Variants in OSBPL1A observed in about 807,000 individuals in gnomAD.
OSBPL1A encodes the protein oxysterol-binding protein-related protein 1.
In OSBPL1A, 80 loss-of-function variants were observed where a neutral mutation model predicts 137.1. The observed-to-expected ratio is 0.58, with a 90% CI of 0.49 to 0.70. The LOEUF (loss-of-function observed/expected upper bound fraction) is 0.70, where lower values mean the gene tolerates loss of function less well. Among genes scored for constraint, OSBPL1A ranks in the 30% least tolerant of loss-of-function variants. OSBPL1A has a pLI of 0.00. For missense variants in OSBPL1A, 970 were observed against 1,129.4 expected (o/e 0.86, Z 2.02); for synonymous variants, 365 against 389.7 (o/e 0.94, Z 0.75).
At chr18:24,180,882 C>T (rs1236875514) in intron 19 of OSBPL1A, among the ~76,000 whole-genome samples, 4 of 152,040 alleles carry the variant, frequency 2.6e-5, no homozygotes, top group African/African-American at 9.7e-5. Context: ...GTCTCACACA[C>T]ACACAAAAAA....
At chr18:24,285,994 T>C (rs952067128) in intron 14 of OSBPL1A, among the ~76,000 whole-genome samples, 1 of 151,986 alleles carries the variant, frequency 6.6e-6, no homozygotes, top group Non-Finnish European at 1.5e-5. Flanking sequence ...CCATCTCCAC[T>C]ACAAATACAA....
chr18:24,337,070 C>G (rs1356537407), intron 5 of OSBPL1A, among the ~76,000 whole-genome samples: 3 of 152,184 alleles, frequency 2.0e-5, no homozygotes, highest in African/African-American at 7.2e-5. Context: ...ATAGGATGCA[C>G]TGGCATGGGA....
At position 24,226,923 on chromosome 18, in the gene OSBPL1A, ACT is replaced by A. The variant is rs1445213813; in HGVS notation, c.1445-1727_1445-1726del. On this transcript the variant is annotated intron_variant, in intron 16 of 27. Coordinates refer to ENST00000319481, the MANE Select transcript of OSBPL1A (RefSeq NM_080597.4). ...TTTTTTTTTTTTGAGATGGAGTCCC[ACT>A]CTGTCACCCAGGCTGGAGTGCAGTG... Among the ~76,000 whole-genome samples the A allele has an allele frequency of 2.6e-5, 3 of 113,344 alleles. No individual in the cohort carries two copies. In the East Asian group the frequency reaches 7.1e-4, roughly 27 times the overall value. The allele number at this position is 113,344 out of a possible 152,430, so 74.4% of individuals were successfully genotyped here. A position where few individuals can be genotyped will look rare whatever the true frequency, so the allele number is the denominator to read the frequency against.
chr18:24,203,514 G>C (rs185939799), intron 17 of OSBPL1A, among the ~76,000 whole-genome samples: 2 of 152,116 alleles, frequency 1.3e-5, no homozygotes, highest in Non-Finnish European at 2.9e-5. Flanking sequence ...ACAGACACAG[G>C]TATATCTTTC....
intron 16 of OSBPL1A, among the ~76,000 whole-genome samples, chr18:24,230,154 A>G (rs1384734790): frequency 2.0e-5 from 3 of 152,200 alleles, no homozygotes; most frequent in African/African-American, 7.2e-5. Flanking sequence ...GCATGAAGGG[A>G]AGAGGTGCAT....
At chr18:24,213,634 T>G (rs972086730) in intron 17 of OSBPL1A, among the ~76,000 whole-genome samples, 1 of 152,190 alleles carries the variant, frequency 6.6e-6, no homozygotes, top group African/African-American at 2.4e-5. Flanking sequence ...TGCTAATATT[T>G]CCATAACTTA....
At chr18:24,336,393 A>T (rs1047135110) in intron 5 of OSBPL1A, among the ~76,000 whole-genome samples, 2 of 152,160 alleles carry the variant, frequency 1.3e-5, no homozygotes, top group Non-Finnish European at 2.9e-5. Flanking sequence ...CCTGTCCTGT[A>T]TTCTTTCAGG....
intron 7 of OSBPL1A, among the ~76,000 whole-genome samples, chr18:24,324,986 T>C (rs749355786): frequency 6.6e-6 from 1 of 151,464 alleles, no homozygotes; most frequent in Non-Finnish European, 1.5e-5. Context: ...CGCGGGAGGC[T>C]GAGGCAGGAG....
At chr18:24,193,050 A>G (rs960584600) in intron 18 of OSBPL1A, among the ~76,000 whole-genome samples, 43 of 152,152 alleles carry the variant, frequency 2.8e-4, no homozygotes, top group African/African-American at 1.0e-3. Flanking sequence ...CACTCTTAGG[A>G]CTTATTAACA....
chr18:24,373,931 T>A (rs1379491858), intron 2 of OSBPL1A, among the ~76,000 whole-genome samples: 1 of 152,014 alleles, frequency 6.6e-6, no homozygotes, highest in African/African-American at 2.4e-5. Context: ...AGGTGAAAAT[T>A]GAAAAAAATA....
intron 15 of OSBPL1A, among the ~76,000 whole-genome samples, chr18:24,261,341 T>C (rs1476394019): frequency 6.6e-6 from 1 of 152,196 alleles, no homozygotes; most frequent in East Asian, 1.9e-4. Flanking sequence ...ATTGTTGTGG[T>C]GACAGTTTCA....
chr18:24,318,313 G>T (rs906545783), intron 9 of OSBPL1A, among the ~76,000 whole-genome samples: 14 of 151,828 alleles, frequency 9.2e-5, no homozygotes, highest in African/African-American at 3.4e-4. Flanking sequence ...GCACGGTGGC[G>T]GGCGCCTATA....
At chr18:24,329,834 C>T (rs1272422060) in intron 7 of OSBPL1A, among the ~76,000 whole-genome samples, 1 of 152,138 alleles carries the variant, frequency 6.6e-6, no homozygotes, top group East Asian at 1.9e-4. Context: ...AAAGCATCTT[C>T]TAAATCTTAC....
rs762856487 is a variant in OSBPL1A, at chr18:24,280,881, A to G, written c.1242T>C (p.Ala414=). 3 of 1,609,486 alleles carry G rather than the reference A, an allele frequency of 1.9e-6. No homozygotes were observed. Among genetic ancestry groups the G allele is most frequent in the Non-Finnish European group, 2.5e-6 (3 of 1,178,754 alleles). ...TGAAGAGATTAAGGCAATCAGTCAA[A>G]GCTACACAAGTTTCTCTAGAAGCTT... The part of the protein sequence containing the change: ...VSEASRETCV[A]LTDCLNLFTK... Residue 414 remains alanine, a synonymous_variant, in exon 15 of 28, where the codon GCT becomes GCC. Coordinates refer to ENST00000319481, the MANE Select transcript of OSBPL1A (RefSeq NM_080597.4).
At chr18:24,322,302 T>C (rs1386603081) in intron 7 of OSBPL1A, among the ~76,000 whole-genome samples, 3 of 147,120 alleles carry the variant, frequency 2.0e-5, no homozygotes, top group Non-Finnish European at 3.0e-5. Flanking sequence ...TTTTTTTTTT[T>C]AGTAGAGATG....
intron 15 of OSBPL1A, among the ~76,000 whole-genome samples, chr18:24,273,388 A>G (rs879473686): frequency 3.3e-5 from 5 of 152,226 alleles, no homozygotes; most frequent in Non-Finnish European, 7.3e-5. Context: ...TAGCAAAACA[A>G]TGAACAACAA....
intron 15 of OSBPL1A, among the ~76,000 whole-genome samples, chr18:24,272,737 A>G (rs1284865865): frequency 6.6e-6 from 1 of 152,218 alleles, no homozygotes; most frequent in Non-Finnish European, 1.5e-5. Flanking sequence ...TATTTCTTTC[A>G]CAAGATCCTA....
At chr18:24,221,956 T>C (rs2087907764) in intron 17 of OSBPL1A, among the ~76,000 whole-genome samples, 1 of 152,186 alleles carries the variant, frequency 6.6e-6, no homozygotes, top group Non-Finnish European at 1.5e-5. Flanking sequence ...AGCCAAACTT[T>C]CTTACTCTAA....
At chr18:24,394,725 C>G (rs1907612726) in intron 1 of OSBPL1A, among the ~76,000 whole-genome samples, 1 of 152,138 alleles carries the variant, frequency 6.6e-6, no homozygotes, top group Non-Finnish European at 1.5e-5. Context: ...ATTTATGCAT[C>G]ACAGAAATAC....
Sources: allele counts gnomAD v4.1 joint callset (sites outside exome capture counted in the v4.1 genomes callset), GRCh38; gene constraint gnomAD v4.1.1; transcripts MANE v1.5; gene names NCBI Gene and HGNC (gene_info 2026-07-23, HGNC 2026-07-21).